GMPR: variants seen among roughly 807,000 people sequenced by gnomAD.
GMPR encodes guanosine monophosphate reductase.
Under a neutral mutation model 38.4 loss-of-function variants are expected in GMPR, and 31 were observed. The ratio of observed to expected loss-of-function variants is 0.81; its 90% CI spans 0.61 to 1.09. The LOEUF is 1.09. Among genes scored for constraint, GMPR ranks in the 50% least tolerant of loss-of-function variants. GMPR has a pLI of 0.00. For missense variants in GMPR, 468 were observed against 453.7 expected (o/e 1.03, Z -0.29); for synonymous variants, 162 against 173.3 (o/e 0.93, Z 0.51).
intron 4 of GMPR, among the ~76,000 whole-genome samples, chr6:16,256,215 CA>C (rs558494585): frequency 1.5e-3 from 171 of 112,172 alleles, no homozygotes; most frequent in Admixed American, 2.4e-3. Flanking sequence ...GACTCCGTCT[CA>C]AAAAAAAAAA....
intron 3 of GMPR, among the ~76,000 whole-genome samples, chr6:16,251,246 G>T (rs1398828493): frequency 2.6e-5 from 4 of 152,198 alleles, no homozygotes; most frequent in Non-Finnish European, 5.9e-5. Context: ...CTACAGCATG[G>T]ATGAACCTTG....
intron 4 of GMPR, among the ~76,000 whole-genome samples, chr6:16,268,121 G>A (rs189642130): frequency 1.5e-4 from 23 of 152,298 alleles, no homozygotes; most frequent in African/African-American, 2.4e-4. Flanking sequence ...CTCTCAGGCC[G>A]TGTTCCCTGG....
At chr6:16,255,306 C>T (rs1758952470) in intron 4 of GMPR, among the ~76,000 whole-genome samples, 2 of 152,208 alleles carry the variant, frequency 1.3e-5, no homozygotes. Flanking sequence ...AGCCACCACA[C>T]TCAGCCCCAT....
intron 5 of GMPR, among the ~76,000 whole-genome samples, chr6:16,277,969 T>C (rs1308761053): frequency 6.6e-6 from 1 of 151,708 alleles, no homozygotes; most frequent in Non-Finnish European, 1.5e-5. Flanking sequence ...GAAGCTTGAA[T>C]AAGGGGAGGT....
At chr6:16,257,812 G>A (rs562785447) in intron 4 of GMPR, among the ~76,000 whole-genome samples, 2 of 152,250 alleles carry the variant, frequency 1.3e-5, no homozygotes, top group African/African-American at 4.8e-5. Flanking sequence ...GGCACTAATC[G>A]CATTCATGAA....
chr6:16,256,528 CAAAAAAAAAAA>C (rs1006257648), intron 4 of GMPR, among the ~76,000 whole-genome samples: 3 of 33,944 alleles, frequency 8.8e-5, no homozygotes, highest in East Asian at 9.4e-4. Context: ...GACTCTGTCT[CAAAAAAAAAAA>C]AAAAAAAAAA....
intron 1 of GMPR, among the ~76,000 whole-genome samples, chr6:16,242,336 T>C: frequency 6.6e-6 from 1 of 151,300 alleles, no homozygotes; most frequent in East Asian, 1.9e-4. Context: ...TAATTACTTT[T>C]TTTTTTTTTT....
chr6:16,285,710 G>A (rs771659041), intron 6 of GMPR, 83 bp from the exon 7 acceptor site: 39 of 1,159,290 alleles, frequency 3.4e-5, no homozygotes, highest in Non-Finnish European at 4.9e-5. Flanking sequence ...TGAACCCCCA[G>A]TCACTAGGTC....
rs187632055 is a variant in GMPR, at chr6:16,268,354, G to C, written c.466-6061G>C. Among the ~76,000 whole-genome samples, 35 of 152,234 alleles carry C rather than the reference G, an allele frequency of 2.3e-4. No individual in the cohort carries two copies. In the East Asian group the frequency reaches 6.4e-3, roughly 28 times the overall value. On this transcript the variant is annotated intron_variant, in intron 4 of 8. Transcript: ENST00000259727. Reference sequence around the variant, plus strand: ...TGTTGAGATGGACTCTCACTCTGTTGCCCAGGCTGGAGTGTGGTGGCACGA... The same window carrying C: ...TGTTGAGATGGACTCTCACTCTGTTCCCCAGGCTGGAGTGTGGTGGCACGA...
chr6:16,240,319 G>T (rs776385312), intron 1 of GMPR, among the ~76,000 whole-genome samples: 2 of 152,208 alleles, frequency 1.3e-5, no homozygotes, highest in Non-Finnish European at 2.9e-5. Flanking sequence ...AGGATTGCTT[G>T]AGGCCAGGAG....
Position 16,259,596 on chromosome 6 carries a change from G to A in GMPR, c.465+4861G>A, listed in dbSNP as rs193073472. Among the ~76,000 whole-genome samples the A allele has an allele frequency of 1.2e-3, 187 of 152,028 alleles. 1 individual carries two copies. Among genetic ancestry groups the A allele is most frequent in the African/African-American group, 4.3e-3 (177 of 41,532 alleles). Reference sequence around the variant, plus strand: ...AACCTAGAGTGGGAGAGATTAAGCCGAAGGAAGATTTTGTGGTAAGGGTTG... The same window carrying A: ...AACCTAGAGTGGGAGAGATTAAGCCAAAGGAAGATTTTGTGGTAAGGGTTG... On this transcript the variant is annotated intron_variant, in intron 4 of 8. Coordinates refer to ENST00000259727, the MANE Select transcript of GMPR (RefSeq NM_006877.4).
chr6:16,254,857 T>C, intron 4 of GMPR, 122 bp downstream of exon 4: 2 of 662,994 alleles, frequency 3.0e-6, no homozygotes, highest in Non-Finnish European at 5.3e-6. Flanking sequence ...TAGTCAAAGA[T>C]TAATTGAGGA....
At chr6:16,268,395 G>C (rs1216886869) in intron 4 of GMPR, among the ~76,000 whole-genome samples, 1 of 152,130 alleles carries the variant, frequency 6.6e-6, no homozygotes, top group African/African-American at 2.4e-5. Context: ...GCTAACTGCA[G>C]TCTCCGCCTC....
In GMPR at chr6:16,279,016, G is replaced by C. The variant is rs909291171; in HGVS notation, c.654+126G>C. 14 of 633,770 alleles carry C rather than the reference G, an allele frequency of 2.2e-5. No individual in the cohort carries two copies. In the African/African-American group the frequency reaches 2.6e-4, roughly 12 times the overall value. 39.3% of individuals were successfully genotyped at this position (633,770 alleles called of 1,614,324 possible). ...AGCTGGGCACTGCGGTCACAGCGCTGACATTCAGCAGAAACAGAGGCCCTG... is the reference window on the plus strand; with the variant it reads ...AGCTGGGCACTGCGGTCACAGCGCTCACATTCAGCAGAAACAGAGGCCCTG... On this transcript the variant is annotated intron_variant, in intron 6 of 8. Transcript: ENST00000259727.
At chr6:16,260,844 GT>G (rs1415039036) in intron 4 of GMPR, among the ~76,000 whole-genome samples, 2 of 152,000 alleles carry the variant, frequency 1.3e-5, no homozygotes, top group Non-Finnish European at 2.9e-5. Flanking sequence ...TGGGGGTCAG[GT>G]GTGGTATCAG....
intron 4 of GMPR, among the ~76,000 whole-genome samples, chr6:16,266,598 C>G (rs973776550): frequency 3.3e-5 from 5 of 151,320 alleles, no homozygotes; most frequent in African/African-American, 1.2e-4. Flanking sequence ...GTCAGGAGAT[C>G]ATAACCATCC....
Position 16,295,209 on chromosome 6 carries a change from G to A in GMPR, c.*23G>A. 6.8e-7 allele frequency: 1 copy of A among 1,481,320 alleles called. No homozygotes were observed. Among genetic ancestry groups the A allele is most frequent in the Non-Finnish European group, 8.9e-7 (1 of 1,120,050 alleles). 91.8% of individuals were successfully genotyped at this position (1,481,320 alleles called of 1,614,324 possible). On this transcript the variant is annotated 3_prime_UTR_variant, in exon 9 of 9. Coordinates refer to ENST00000259727, the MANE Select transcript of GMPR (RefSeq NM_006877.4). Reference sequence around the variant, plus strand: ...TAACCCTGGGGACAAAGCAGCGTCTGGCTCGAGTGGAAGCGTCCAAACCTG... The same window carrying A: ...TAACCCTGGGGACAAAGCAGCGTCTAGCTCGAGTGGAAGCGTCCAAACCTG...
intron 4 of GMPR, among the ~76,000 whole-genome samples, chr6:16,266,854 G>A (rs774073693): frequency 3.3e-5 from 5 of 151,636 alleles, no homozygotes; most frequent in Non-Finnish European, 7.4e-5. Flanking sequence ...CACTCCTGAA[G>A]TCAGCGAGAC....
intron 3 of GMPR, among the ~76,000 whole-genome samples, chr6:16,250,604 C>G (rs1239643778): frequency 6.6e-6 from 1 of 152,138 alleles, no homozygotes; most frequent in African/African-American, 2.4e-5. Flanking sequence ...TGTGTTATAT[C>G]CCAAGAGCTT....
Sources: allele counts gnomAD v4.1 joint callset (sites outside exome capture counted in the v4.1 genomes callset), GRCh38; gene constraint gnomAD v4.1.1; transcripts MANE v1.5; gene names NCBI Gene and HGNC (gene_info 2026-07-23, HGNC 2026-07-21).